Variants in ANKRD30B observed in about 807,000 individuals in gnomAD.
ANKRD30B encodes ankyrin repeat domain-containing protein 30B.
In ANKRD30B, 144 loss-of-function variants were observed where a neutral mutation model predicts 202.2. The ratio of observed to expected loss-of-function variants is 0.71; its 90% CI spans 0.62 to 0.82. The LOEUF is 0.82. ANKRD30B is among the 40% of genes least tolerant of loss of function. ANKRD30B has a pLI of 0.00. For synonymous variants in ANKRD30B, 508 were observed against 561.3 expected, an observed-to-expected ratio of 0.91 and a Z score of 1.34; for missense variants, 1,487 against 1,669.1, an observed-to-expected ratio of 0.89 and a Z score of 1.90.
At chr18:14,806,037 G>C (rs541247183) in intron 24 of ANKRD30B, among the ~76,000 whole-genome samples, 1 of 149,888 alleles carries the variant, frequency 6.7e-6, no homozygotes, top group Non-Finnish European at 1.5e-5. Flanking sequence ...TGGCTAACAC[G>C]GTGAAACCCC....
intron 11 of ANKRD30B, among the ~76,000 whole-genome samples, chr18:14,781,458 C>G (rs951251861): frequency 1.9e-4 from 29 of 152,064 alleles, no homozygotes; most frequent in African/African-American, 7.0e-4. Flanking sequence ...CCACGCCCAG[C>G]TAATTTTTTT....
the ANKRD30B span, among the ~76,000 whole-genome samples, chr18:14,920,440 T>A: frequency 6.6e-6 from 1 of 152,050 alleles, no homozygotes; most frequent in African/African-American, 2.4e-5. Flanking sequence ...CACCATAGAG[T>A]CACTATAGTG....
chr18:14,882,855 A>G, the ANKRD30B span, among the ~76,000 whole-genome samples: 1 of 152,146 alleles, frequency 6.6e-6, no homozygotes, highest in Non-Finnish European at 1.5e-5. Context: ...ACCATTATAT[A>G]CTGCCTGTCT....
intron 30 of ANKRD30B, among the ~76,000 whole-genome samples, chr18:14,818,994 C>G (rs1970266797): frequency 6.6e-6 from 1 of 152,114 alleles, no homozygotes; most frequent in Non-Finnish European, 1.5e-5. Context: ...TCAAAGTGTT[C>G]CTATTTCTCC....
intron 42 of ANKRD30B, 193 bp downstream of exon 42, chr18:14,852,613 T>TTG (rs1971939474): frequency 1.6e-6 from 1 of 634,940 alleles, no homozygotes; most frequent in Admixed American, 4.0e-5. Flanking sequence ...AGTAAAGGTA[T>TTG]TGTGTCACTG....
At position 14,845,714 on chromosome 18, in the gene ANKRD30B, T is replaced by C. The variant is rs1203562351; in HGVS notation, c.3181+2618T>C. 2.6e-4 allele frequency among the ~76,000 whole-genome samples: 40 copies of C among 152,064 alleles called. 1 individual carries two copies. Among genetic ancestry groups the C allele is most frequent in the Admixed American group, 2.6e-4 (4 of 15,254 alleles). ...TAAAAAATCTATAGTTGGGAGCTTA[T>C]CAACAACATAAATTGAATTCTCACA... On this transcript the variant is annotated intron_variant, in intron 39 of 43. Coordinates refer to ENST00000690538, the MANE Select transcript of ANKRD30B (RefSeq NM_001367607.2).
At chr18:14,806,160 C>A (rs1331400805) in intron 24 of ANKRD30B, among the ~76,000 whole-genome samples, 1 of 148,666 alleles carries the variant, frequency 6.7e-6, no homozygotes, top group Admixed American at 6.7e-5. Flanking sequence ...GTGGAGCTTA[C>A]AGTCAGCCCA....
intron 33 of ANKRD30B, chr18:14,830,277 T>A (rs1354673019): frequency 6.5e-6 from 1 of 153,400 alleles, no homozygotes; most frequent in Non-Finnish European, 1.5e-5. Context: ...CTATCAGGAC[T>A]CAGTTTTTCT....
At chr18:14,880,721 G>A in the ANKRD30B span, among the ~76,000 whole-genome samples, 19 of 152,032 alleles carry the variant, frequency 1.2e-4, no homozygotes, top group South Asian at 6.2e-4. Flanking sequence ...ATGCACCACC[G>A]TGCTTGGCTC....
intron 15 of ANKRD30B, among the ~76,000 whole-genome samples, chr18:14,789,898 T>C (rs1968351497): frequency 6.6e-6 from 1 of 152,192 alleles, no homozygotes; most frequent in Non-Finnish European, 1.5e-5. Context: ...ACATATGAAC[T>C]TTAAAGTAGT....
chr18:14,913,727 C>G, the ANKRD30B span, among the ~76,000 whole-genome samples: 1 of 152,136 alleles, frequency 6.6e-6, no homozygotes, highest in Non-Finnish European at 1.5e-5. Context: ...TGGGGTCACT[C>G]TGATGGTAAG....
chr18:14,819,502 C>T (rs1458752324), intron 30 of ANKRD30B, among the ~76,000 whole-genome samples: 5 of 151,948 alleles, frequency 3.3e-5, no homozygotes, highest in African/African-American at 7.2e-5. Context: ...TTAGGTCTAA[C>T]GTTTAAGTCT....
At chr18:14,930,473 T>A in the ANKRD30B span, among the ~76,000 whole-genome samples, 1 of 152,160 alleles carries the variant, frequency 6.6e-6, no homozygotes, top group South Asian at 2.1e-4. Context: ...GAGGACTCCA[T>A]CCCTGTAAGA....
chr18:14,873,377 T>G, the ANKRD30B span, among the ~76,000 whole-genome samples: 1 of 151,704 alleles, frequency 6.6e-6, no homozygotes, highest in African/African-American at 2.4e-5. Context: ...TACAAAAAAT[T>G]AGCTGGGCCT....
chr18:14,854,832 A>AAC (rs56259305), downstream of ANKRD30B, among the ~76,000 whole-genome samples: 4,487 of 134,088 alleles, frequency 0.033, 78 homozygotes, highest in African/African-American at 0.045. Context: ...ACTATCCACG[A>AAC]ACACACACAC....
intron 39 of ANKRD30B, among the ~76,000 whole-genome samples, chr18:14,847,867 C>T (rs926751136): frequency 2.0e-5 from 3 of 151,942 alleles, no homozygotes; most frequent in Non-Finnish European, 4.4e-5. Context: ...TCCGCCCTGA[C>T]CTGGCTTGGT....
the ANKRD30B span, among the ~76,000 whole-genome samples, chr18:14,891,891 A>C: frequency 6.6e-6 from 1 of 152,238 alleles, no homozygotes; most frequent in Non-Finnish European, 1.5e-5. Context: ...GTACTAATAC[A>C]ATGAAAAATA....
Position 14,797,698 on chromosome 18 carries a change from T to A in ANKRD30B, c.1956+9T>A. ...AAGATGGTCTTCTGAAGGTAATAGC[T>A]TTTATGTCTCTATCTTGAATATTAA... On this transcript the variant is annotated intron_variant, in intron 19 of 43. Transcript: ENST00000690538. 6.2e-7 allele frequency: 1 copy of A among 1,609,792 alleles called. No individual in the cohort carries two copies. The highest frequency in any genetic ancestry group is 8.5e-7 in the Non-Finnish European group (1 of 1,176,356).
chr18:14,787,640 T>C (rs1183424556), intron 15 of ANKRD30B, among the ~76,000 whole-genome samples: 1 of 152,198 alleles, frequency 6.6e-6, no homozygotes, highest in Non-Finnish European at 1.5e-5. Context: ...GGGAATATAA[T>C]AACAAGAGTA....
Sources: allele counts gnomAD v4.1 joint callset (sites outside exome capture counted in the v4.1 genomes callset), GRCh38; gene constraint gnomAD v4.1.1; transcripts MANE v1.5; gene names NCBI Gene and HGNC (gene_info 2026-07-23, HGNC 2026-07-21).